Variants in DOCK8 observed in about 807,000 individuals in gnomAD.
DOCK8 encodes the protein dedicator of cytokinesis 8.
In DOCK8, 141 loss-of-function variants were observed where a neutral mutation model predicts 245.6. That is an observed-to-expected ratio of 0.57 (90% CI 0.50 to 0.66). DOCK8 has a LOEUF of 0.66. DOCK8 is among the 30% of genes least tolerant of loss of function. The pLI, the probability that DOCK8 is intolerant of heterozygous loss-of-function variation, is 0.00. For synonymous variants in DOCK8, 1,168 were observed against 970.2 expected, an observed-to-expected ratio of 1.20 and a Z score of -3.79; for missense variants, 2,965 against 2,603.4, an observed-to-expected ratio of 1.14 and a Z score of -3.02.
At chr9:403,314 A>G (rs911722561) in intron 26 of DOCK8, among the ~76,000 whole-genome samples, 6 of 152,190 alleles carry the variant, frequency 3.9e-5, no homozygotes, top group African/African-American at 1.4e-4. Flanking sequence ...ACACCTGTTA[A>G]TGAGTAACCT....
chr9:443,919 G>C (rs2057168922), intron 43 of DOCK8, among the ~76,000 whole-genome samples: 1 of 152,178 alleles, frequency 6.6e-6, no homozygotes, highest in African/African-American at 2.4e-5. Context: ...TGTTGCTTCT[G>C]AACCCCTACT....
chr9:317,770 C>T lies in DOCK8; in HGVS notation c.827+642C>T, dbSNP rs115290488. Among the ~76,000 whole-genome samples the T allele has an allele frequency of 1.6e-3, 245 of 152,252 alleles. 1 individual carries two copies. Among genetic ancestry groups the T allele is most frequent in the African/African-American group, 5.8e-3 (240 of 41,546 alleles). The stretch of plus-strand genomic sequence containing the variant: ...AAATAAACAGGCCCATTTTTGTCAA[C>T]TGTCTTTTCTATTTTTTCAAGAGAA... On this transcript the variant is annotated intron_variant, in intron 7 of 47. Transcript: ENST00000432829.
At chr9:285,995 C>T (rs968528124) in intron 2 of DOCK8, among the ~76,000 whole-genome samples, 2 of 152,162 alleles carry the variant, frequency 1.3e-5, no homozygotes, top group African/African-American at 2.4e-5. Context: ...TATAGCATAA[C>T]TTAGGCCAAA....
At chr9:459,896 G>A (rs1309650755) in intron 46 of DOCK8, 1 of 152,230 alleles carries the variant, frequency 6.6e-6, no homozygotes, top group Admixed American at 6.5e-5. Context: ...GAGAGACAGA[G>A]GCCATATTAC....
chr9:344,454 C>T (rs2051770588), intron 14 of DOCK8, among the ~76,000 whole-genome samples: 2 of 152,046 alleles, frequency 1.3e-5, no homozygotes, highest in African/African-American at 4.8e-5. Flanking sequence ...AGATGAGTGT[C>T]CCCTTTCCTG....
intron 1 of DOCK8, among the ~76,000 whole-genome samples, chr9:229,734 T>G (rs10965205): frequency 0.13 from 20,418 of 151,954 alleles, 1,755 homozygotes; most frequent in East Asian, 0.4. Flanking sequence ...ACAGAGAGAC[T>G]AACATATCTG....
At chr9:277,022 TG>T in intron 2 of DOCK8, 1 of 316,500 alleles carries the variant, frequency 3.2e-6, no homozygotes, top group Non-Finnish European at 6.7e-6. Context: ...TTGTCCAGGC[TG>T]GTCTTGAACT....
intron 7 of DOCK8, among the ~76,000 whole-genome samples, chr9:318,476 A>T (rs960252343): frequency 6.6e-6 from 1 of 152,102 alleles, no homozygotes; most frequent in Non-Finnish European, 1.5e-5. Flanking sequence ...CCTACCACAA[A>T]CTTCTATGAT....
chr9:291,787 G>T (rs1226061567), intron 4 of DOCK8, among the ~76,000 whole-genome samples: 1 of 151,300 alleles, frequency 6.6e-6, no homozygotes, highest in African/African-American at 2.4e-5. Context: ...ATTATGCCGG[G>T]CGCAGTGGCT....
chr9:229,095 A>G (rs1241915370), intron 1 of DOCK8, among the ~76,000 whole-genome samples: 1 of 152,228 alleles, frequency 6.6e-6, no homozygotes, highest in Non-Finnish European at 1.5e-5. Context: ...TCATTGGTTA[A>G]TGCAAGTCAT....
At chr9:261,997 G>GAGAAAGAAAAGAA (rs1554648147) in intron 1 of DOCK8, among the ~76,000 whole-genome samples, 28 of 146,852 alleles carry the variant, frequency 1.9e-4, no homozygotes, top group African/African-American at 6.5e-4. Flanking sequence ...AAGAAAGAAG[G>GAGAAAGAAAAGAA]AGAAAGAAAG....
At chr9:298,975 G>A (rs1180578461) in intron 4 of DOCK8, among the ~76,000 whole-genome samples, 1 of 151,356 alleles carries the variant, frequency 6.6e-6, no homozygotes, top group African/African-American at 2.4e-5. Flanking sequence ...TTCAATGTTA[G>A]GATAAATTAA....
chr9:357,753 C>T (rs1016383891), intron 14 of DOCK8, among the ~76,000 whole-genome samples: 2 of 152,102 alleles, frequency 1.3e-5, no homozygotes, highest in Non-Finnish European at 2.9e-5. Flanking sequence ...ACCCCCAGTG[C>T]CTCCTTCTAA....
intron 18 of DOCK8, among the ~76,000 whole-genome samples, chr9:373,897 A>G (rs536182883): frequency 1.3e-5 from 2 of 152,298 alleles, no homozygotes; most frequent in South Asian, 4.2e-4. Context: ...ATCAAGTTGC[A>G]CACTCTAATT....
chr9:400,427 T>C (rs370727860), intron 26 of DOCK8, among the ~76,000 whole-genome samples: 45 of 7,978 alleles, frequency 5.6e-3, no homozygotes, highest in East Asian at 9.7e-3. Context: ...ACCTCCACCA[T>C]CACCACCACC....
Position 271,705 on chromosome 9 carries a change from C to G in DOCK8, c.132C>G (p.Thr44=). Reference sequence around the variant, plus strand: ...AGTACCATCGACAGAGCATAAGTACCTCTGGCTTCCCCTCTCTTCAACTAG... The same window carrying G: ...AGTACCATCGACAGAGCATAAGTACGTCTGGCTTCCCCTCTCTTCAACTAG... ...LGQYHRQSIS[T]SGFPSLQLPQ... Residue 44 remains threonine (T), a synonymous_variant, in exon 2 of 48, where the codon ACC becomes ACG. Transcript: ENST00000432829. 1.3e-6 allele frequency: 2 copies of G among 1,551,610 alleles called. No homozygotes were observed. The highest frequency in any genetic ancestry group is 1.7e-6 in the Non-Finnish European group (2 of 1,146,756).
At chr9:214,491 C>T (rs2046684786), upstream of DOCK8, 1 of 1,609,342 alleles carries the variant, frequency 6.2e-7, no homozygotes, top group African/African-American at 1.3e-5. Flanking sequence ...TGGTGTCAAC[C>T]CTTAATAACA....
chr9:215,344 A>G (rs1035170088), intron 1 of DOCK8: 6 of 1,601,944 alleles, frequency 3.7e-6, no homozygotes, highest in Admixed American at 3.4e-5. Context: ...CGGGTCCCAG[A>G]AGGGTGATAG....
chr9:230,299 A>C (rs1039535302), intron 1 of DOCK8, among the ~76,000 whole-genome samples: 1 of 123,858 alleles, frequency 8.1e-6, no homozygotes, highest in Admixed American at 7.9e-5. Context: ...AATCCAGTCT[A>C]TCGTTGGGCA....
Sources: allele counts gnomAD v4.1 joint callset (sites outside exome capture counted in the v4.1 genomes callset), GRCh38; gene constraint gnomAD v4.1.1; transcripts MANE v1.5; gene names NCBI Gene and HGNC (gene_info 2026-07-23, HGNC 2026-07-21).